AUTS2: variants seen among roughly 807,000 people sequenced by gnomAD.
AUTS2 encodes autism susceptibility gene 2 protein.
A neutral mutation model predicts 112.4 loss-of-function variants in AUTS2; 17 were observed. The observed-to-expected ratio is 0.15, with a 90% CI of 0.10 to 0.23. The LOEUF is 0.23. Ranked by LOEUF, AUTS2 falls within the 10% of genes least tolerant of loss-of-function variation. AUTS2 has a pLI of 1.00. For synonymous variants in AUTS2, 751 were observed against 702.7 expected, an observed-to-expected ratio of 1.07 and a Z score of -1.09; for missense variants, 1,510 against 1,701.6, an observed-to-expected ratio of 0.89 and a Z score of 1.98.
At chr7:70,758,684 G>T (rs1480825969) in intron 6 of AUTS2, among the ~76,000 whole-genome samples, 1 of 152,170 alleles carries the variant, frequency 6.6e-6, no homozygotes, top group Non-Finnish European at 1.5e-5. Flanking sequence ...ACATTCTTAT[G>T]TCTTTCAAAT....
chr7:69,877,449 G>C (rs1258253420), intron 1 of AUTS2, among the ~76,000 whole-genome samples: 1 of 152,142 alleles, frequency 6.6e-6, no homozygotes, highest in East Asian at 1.9e-4. Context: ...AGAATGAGAT[G>C]CATATTTATT....
chr7:69,767,641 C>T (rs1788485292), intron 1 of AUTS2, among the ~76,000 whole-genome samples: 1 of 152,206 alleles, frequency 6.6e-6, no homozygotes, highest in Non-Finnish European at 1.5e-5. Flanking sequence ...GGGGCCAGGC[C>T]AGGTATGACC....
intron 2 of AUTS2, among the ~76,000 whole-genome samples, chr7:69,931,469 C>G (rs1326336703): frequency 6.6e-6 from 1 of 152,140 alleles, no homozygotes; most frequent in Admixed American, 6.5e-5. Flanking sequence ...CTTAGAATTA[C>G]TAGTTAACTA....
chr7:69,759,818 G>A (rs1465693308), intron 1 of AUTS2, among the ~76,000 whole-genome samples: 2 of 112,248 alleles, frequency 1.8e-5, no homozygotes, highest in African/African-American at 7.3e-5. Context: ...AAAGATGGGC[G>A]AACCTGGAAG....
At chr7:70,396,470 G>A (rs964199908) in intron 4 of AUTS2, among the ~76,000 whole-genome samples, 11 of 151,302 alleles carry the variant, frequency 7.3e-5, no homozygotes, top group African/African-American at 1.7e-4. Context: ...TCTACCTCCC[G>A]GGTTCAAGCC....
At chr7:70,367,202 G>A (rs1792614930) in intron 4 of AUTS2, among the ~76,000 whole-genome samples, 1 of 152,116 alleles carries the variant, frequency 6.6e-6, no homozygotes, top group Non-Finnish European at 1.5e-5. Context: ...GGCGCAGGTT[G>A]CAGTGAGCCA....
intron 4 of AUTS2, among the ~76,000 whole-genome samples, chr7:70,337,720 A>T (rs1344005641): frequency 6.6e-6 from 1 of 152,232 alleles, no homozygotes; most frequent in Non-Finnish European, 1.5e-5. Context: ...TTTATGAAAA[A>T]TAGCCCATGT....
intron 4 of AUTS2, among the ~76,000 whole-genome samples, chr7:70,336,495 C>T (rs1790995720): frequency 6.6e-6 from 1 of 152,196 alleles, no homozygotes; most frequent in Non-Finnish European, 1.5e-5. Flanking sequence ...TTCTGGAATA[C>T]AAAAGCTGAT....
At chr7:69,827,959 A>G (rs534508285) in intron 1 of AUTS2, among the ~76,000 whole-genome samples, 4 of 152,310 alleles carry the variant, frequency 2.6e-5, no homozygotes, top group African/African-American at 7.2e-5. Flanking sequence ...TCTTTTGTAG[A>G]AACTGCCATG....
chr7:70,439,395 C>T (rs954185852), intron 5 of AUTS2, among the ~76,000 whole-genome samples: 8 of 151,920 alleles, frequency 5.3e-5, no homozygotes, highest in African/African-American at 1.7e-4. Flanking sequence ...AAAAATTAGC[C>T]GGGCGTGGTA....
At chr7:69,638,384 T>G (rs1794646944) in intron 1 of AUTS2, among the ~76,000 whole-genome samples, 1 of 152,244 alleles carries the variant, frequency 6.6e-6, no homozygotes, top group Non-Finnish European at 1.5e-5. Flanking sequence ...AAGACTAAGT[T>G]AATGATCACA....
intron 1 of AUTS2, among the ~76,000 whole-genome samples, chr7:69,647,174 G>A (rs1795063563): frequency 6.6e-6 from 1 of 152,080 alleles, no homozygotes; most frequent in African/African-American, 2.4e-5. Flanking sequence ...CGTTTCTAAA[G>A]CATTATGACT....
At chr7:70,428,337 G>A (rs17566691) in intron 4 of AUTS2, among the ~76,000 whole-genome samples, 1,888 of 152,234 alleles carry the variant, frequency 0.012, 17 homozygotes, top group Non-Finnish European at 0.018. Context: ...ATTTTTACAT[G>A]AGCAAAGGAT....
chr7:70,397,900 C>T (rs1205790598), intron 4 of AUTS2, among the ~76,000 whole-genome samples: 2 of 152,164 alleles, frequency 1.3e-5, no homozygotes, highest in Non-Finnish European at 1.5e-5. Context: ...AAATTTCAGT[C>T]TCCAATTTCT....
At chr7:70,289,362 C>A (rs1013804903) in intron 4 of AUTS2, among the ~76,000 whole-genome samples, 1 of 152,178 alleles carries the variant, frequency 6.6e-6, no homozygotes, top group African/African-American at 2.4e-5. Flanking sequence ...AAATTCTCTT[C>A]CATGTGCTCC....
intron 4 of AUTS2, among the ~76,000 whole-genome samples, chr7:70,357,642 A>C (rs1792072546): frequency 6.6e-6 from 1 of 152,138 alleles, no homozygotes; most frequent in South Asian, 2.1e-4. Flanking sequence ...CTGTAAACGC[A>C]CGGCCTTTTT....
intron 4 of AUTS2, among the ~76,000 whole-genome samples, chr7:70,198,622 G>A (rs1282920423): frequency 9.9e-6 from 1 of 101,116 alleles, no homozygotes; most frequent in African/African-American, 3.9e-5. Flanking sequence ...GAAATGAAGC[G>A]AGAAGGGAAG....
At chr7:69,741,043 A>T (rs1262654176) in intron 1 of AUTS2, among the ~76,000 whole-genome samples, 4 of 152,176 alleles carry the variant, frequency 2.6e-5, no homozygotes. Context: ...TGGAGAGGCC[A>T]AAAACAAGTG....
intron 1 of AUTS2, among the ~76,000 whole-genome samples, chr7:69,659,451 ATTTT>A: frequency 7.3e-6 from 1 of 137,872 alleles, no homozygotes. Flanking sequence ...TTGGGAAGCA[ATTTT>A]TTTTTTTTTT....
Sources: allele counts gnomAD v4.1 joint callset (sites outside exome capture counted in the v4.1 genomes callset), GRCh38; gene constraint gnomAD v4.1.1; transcripts MANE v1.5; gene names NCBI Gene and HGNC (gene_info 2026-07-23, HGNC 2026-07-21).